The following DHX30 variants were observed in gnomAD, a reference collection of about 807,000 sequenced individuals.
The protein encoded by DHX30 is DExH-box helicase 30.
DHX30 carries 4 observed loss-of-function variants against 116.9 expected under a neutral mutation model. The ratio of observed to expected loss-of-function variants is 0.03; its 90% CI spans 0.02 to 0.08. DHX30 has a LOEUF of 0.08. Among genes scored for constraint, DHX30 ranks in the 10% least tolerant of loss-of-function variants. DHX30 has a pLI of 1.00. For synonymous variants in DHX30, 697 were observed against 651.7 expected, an observed-to-expected ratio of 1.07 and a Z score of -1.06; for missense variants, 871 against 1,595.1, an observed-to-expected ratio of 0.55 and a Z score of 7.73.
At chr3:47,806,934 G>A (rs533196435) in intron 2 of DHX30, among the ~76,000 whole-genome samples, 2 of 152,080 alleles carry the variant, frequency 1.3e-5, no homozygotes, top group South Asian at 4.2e-4. Context: ...ATGGCCGGTC[G>A]TGGTGGCTGA....
chr3:47,830,628 CTG>C (rs2036802647), intron 6 of DHX30, among the ~76,000 whole-genome samples: 1 of 151,930 alleles, frequency 6.6e-6, no homozygotes, highest in Admixed American at 6.6e-5. Flanking sequence ...GGGTCTTGCT[CTG>C]TTGCCCAGAC....
chr3:47,843,052 A>T, intron 8 of DHX30, 54 bp from the exon 9 acceptor site: 1 of 1,601,384 alleles, frequency 6.2e-7, no homozygotes, highest in Admixed American at 1.7e-5. Context: ...GAATGCCCCA[A>T]GTCTCTTCCC....
chr3:47,836,924 C>T (rs1473142754), intron 6 of DHX30, among the ~76,000 whole-genome samples: 2 of 152,162 alleles, frequency 1.3e-5, no homozygotes, highest in Admixed American at 1.3e-4. Context: ...TCTCTAATAG[C>T]TGTACTCCCA....
intron 4 of DHX30, chr3:47,819,091 C>T (rs773119994): frequency 4.8e-5 from 29 of 608,644 alleles, no homozygotes; most frequent in Non-Finnish European, 7.0e-5. Flanking sequence ...GCCCTGACTA[C>T]TGACAGCAGG....
intron 3 of DHX30, among the ~76,000 whole-genome samples, chr3:47,817,552 C>G (rs921815634): frequency 6.6e-6 from 1 of 152,170 alleles, no homozygotes; most frequent in African/African-American, 2.4e-5. Flanking sequence ...CCCTCTCTTA[C>G]CCAGCTCTTG....
intron 6 of DHX30, chr3:47,831,192 C>T (rs2036832902): frequency 6.6e-6 from 1 of 151,542 alleles, no homozygotes; most frequent in Non-Finnish European, 1.5e-5. Flanking sequence ...CCAGCATCTG[C>T]TTGACTTCTG....
chr3:47,822,791 A>T (rs558464750), intron 4 of DHX30, among the ~76,000 whole-genome samples: 18 of 150,940 alleles, frequency 1.2e-4, no homozygotes, highest in African/African-American at 3.9e-4. Context: ...TCTCAAAAAA[A>T]TAAACATAAA....
At chr3:47,809,694 C>T (rs932761540) in intron 2 of DHX30, among the ~76,000 whole-genome samples, 1 of 152,040 alleles carries the variant, frequency 6.6e-6, no homozygotes, top group Non-Finnish European at 1.5e-5. Flanking sequence ...TGAAAGATTC[C>T]GCCCCAGGTC....
At position 47,847,657 on chromosome 3, in the gene DHX30, T is replaced by C. The variant is rs2037677429; in HGVS notation, c.2110+121T>C. ...CTGACCAAGCTGTGGCACTTTTCAC[T>C]GGGCATAGTGTTTATCTGCGCCTGT... is the stretch of plus-strand genomic sequence containing the variant. On this transcript the variant is annotated intron_variant, in intron 13 of 21. Coordinates refer to ENST00000445061, the MANE Select transcript of DHX30 (RefSeq NM_138615.3). This position sits in a 1 kb window ranked among gnomAD's most constrained non-coding sequence, Gnocchi z 5.5. 1.1e-5 allele frequency: 16 copies of C among 1,457,690 alleles called. No individual in the cohort carries two copies. The highest frequency in any genetic ancestry group is 2.4e-4 in the Middle Eastern group (1 of 4,176). The allele number at this position is 1,457,690 out of a possible 1,614,324, so 90.3% of individuals were successfully genotyped here. A position where few individuals can be genotyped will look rare whatever the true frequency, so the allele number is the denominator to read the frequency against.
chr3:47,814,478 C>T (rs2035958869), intron 3 of DHX30, among the ~76,000 whole-genome samples: 1 of 149,570 alleles, frequency 6.7e-6, no homozygotes, highest in Non-Finnish European at 1.5e-5. Flanking sequence ...CCTGTCTGAG[C>T]GCCGTGTCTC....
chr3:47,847,429 C>T lies in DHX30; in HGVS notation c.2006-3C>T, dbSNP rs772620974. ...TGGCTCATGCCCCAGGGCTCCTTTA[C>T]AGGTGGGATCCTGTGCTTCCTGCCT... On this transcript the variant is annotated splice_polypyrimidine_tract_variant and splice_region_variant and intron_variant, in intron 12 of 21. Transcript: ENST00000445061. The surrounding 1 kb of genome is among the most constrained non-coding windows in gnomAD (Gnocchi z 5.5). The T allele has an allele frequency of 5.6e-6, 9 of 1,613,440 alleles. No individual in the cohort carries two copies. Among genetic ancestry groups the T allele is most frequent in the Non-Finnish European group, 6.8e-6 (8 of 1,179,546 alleles).
rs369531469 is a variant in DHX30, at chr3:47,848,449, G to A, written c.2494-20G>A. The stretch of plus-strand genomic sequence containing the variant: ...GGCAGGTGGGAGGCAGGCTCATGGC[G>A]GGCTCTGGCTCTGTCATAGGCGGTG... On this transcript the variant is annotated intron_variant, in intron 15 of 21. Transcript: ENST00000445061. The surrounding 1 kb of genome is among the most constrained non-coding windows in gnomAD (Gnocchi z 9.4). 193 of 1,613,960 alleles carry A rather than the reference G, an allele frequency of 1.2e-4. No individual in the cohort carries two copies. The highest frequency in any genetic ancestry group is 1.5e-4 in the Non-Finnish European group (176 of 1,180,012).
rs1399660635 is a variant in DHX30, at chr3:47,848,940, T to C, written c.2790T>C (p.His930=). ...CCCAGGTGAAAGCACTGTTGAGCCA[T>C]GACAGCGGCAGTGACCACCTGGCCT... is the stretch of plus-strand genomic sequence containing the variant. The part of the protein sequence containing the change: ...EVDKVKALLS[H]DSGSDHLAFV... The change falls in exon 18 of 22, where the codon CAT becomes CAC. Residue 930 remains histidine (H), a synonymous_variant. Transcript: ENST00000445061. The surrounding 1 kb of genome is among the most constrained non-coding windows in gnomAD (Gnocchi z 9.4). 2 of 1,609,882 alleles carry C rather than the reference T, an allele frequency of 1.2e-6. No homozygotes were observed. The highest frequency in any genetic ancestry group is 1.3e-5 in the African/African-American group (1 of 74,890).
intron 10 of DHX30, 67 bp downstream of exon 10, chr3:47,845,919 G>A: frequency 6.5e-7 from 1 of 1,538,216 alleles, no homozygotes; most frequent in East Asian, 2.3e-5. Flanking sequence ...CCAGACTGAA[G>A]GCCTCCACCT....
At chr3:47,810,758 A>C in intron 3 of DHX30, 47 bp downstream of exon 3, 1 of 1,588,574 alleles carries the variant, frequency 6.3e-7, no homozygotes, top group Non-Finnish European at 8.6e-7. Context: ...CCTTATTGGG[A>C]TGGGCAGCTC....
In DHX30 at chr3:47,848,876, C is replaced by G; in HGVS notation, c.2770-44C>G. On this transcript the variant is annotated intron_variant, in intron 17 of 21. Transcript: ENST00000445061. The surrounding 1 kb of genome is among the most constrained non-coding windows in gnomAD (Gnocchi z 9.4). Reference sequence around the variant, plus strand: ...CACTGCTGTTCTGAGGGGGCGTTGTCTAGCCCCTGCCTGTGATCCGGCTGC... The same window carrying G: ...CACTGCTGTTCTGAGGGGGCGTTGTGTAGCCCCTGCCTGTGATCCGGCTGC... 6.3e-7 allele frequency: 1 copy of G among 1,597,746 alleles called. No homozygotes were observed. Among genetic ancestry groups the G allele is most frequent in the Non-Finnish European group, 8.6e-7 (1 of 1,168,078 alleles).
intron 3 of DHX30, among the ~76,000 whole-genome samples, chr3:47,812,663 CTT>C (rs767722186): frequency 1.4e-4 from 20 of 140,934 alleles, no homozygotes; most frequent in Admixed American, 1.4e-4. Flanking sequence ...ATTACATTTC[CTT>C]TTTTTTTTTT....
At chr3:47,825,608 A>T (rs185788488) in intron 4 of DHX30, among the ~76,000 whole-genome samples, 30 of 152,338 alleles carry the variant, frequency 2.0e-4, no homozygotes, top group African/African-American at 7.0e-4. Context: ...AACTCCTGGG[A>T]CATCAGGATC....
intron 6 of DHX30, among the ~76,000 whole-genome samples, chr3:47,839,145 G>C (rs2037249456): frequency 6.6e-6 from 1 of 151,870 alleles, no homozygotes; most frequent in African/African-American, 2.4e-5. Flanking sequence ...AGAGACTTAG[G>C]CAATGTTTAA....
Sources: allele counts gnomAD v4.1 joint callset (sites outside exome capture counted in the v4.1 genomes callset), GRCh38; gene constraint gnomAD v4.1.1; non-coding constraint Gnocchi (gnomAD v3.1); transcripts MANE v1.5; gene names NCBI Gene and HGNC (gene_info 2026-07-23, HGNC 2026-07-21).